FAM110B: variants seen among roughly 807,000 people sequenced by gnomAD.
FAM110B encodes family with sequence similarity 110 member B.
In FAM110B, 6 loss-of-function variants were observed where a neutral mutation model predicts 20.4. The observed-to-expected ratio is 0.29, with a 90% CI of 0.16 to 0.58. The LOEUF (loss-of-function observed/expected upper bound fraction) is 0.58, where lower values mean the gene tolerates loss of function less well. Among genes scored for constraint, FAM110B ranks in the 20% least tolerant of loss-of-function variants. The pLI is 0.90. For missense variants in FAM110B, 434 were observed against 498.2 expected (o/e 0.87, Z 1.23); for synonymous variants, 226 against 214.1 (o/e 1.06, Z -0.49).
chr8:58,011,187 C>T (rs1173409126), intron 1 of FAM110B, among the ~76,000 whole-genome samples: 1 of 152,114 alleles, frequency 6.6e-6, no homozygotes, highest in Non-Finnish European at 1.5e-5. Context: ...CTAAGAAAGA[C>T]CCTAAGGTTA....
intron 1 of FAM110B, among the ~76,000 whole-genome samples, chr8:58,024,225 G>A (rs184949669): frequency 9.9e-5 from 14 of 141,750 alleles, no homozygotes; most frequent in African/African-American, 3.3e-4. Flanking sequence ...GTTTCAACTC[G>A]GTCCAAATAA....
chr8:58,002,455 C>T (rs551866137), intron 1 of FAM110B, among the ~76,000 whole-genome samples: 74 of 152,304 alleles, frequency 4.9e-4, no homozygotes, highest in African/African-American at 1.1e-3. Flanking sequence ...CTTTTTCCTT[C>T]CTGACCAACA....
chr8:58,111,736 T>C (rs1807063046), intron 3 of FAM110B, among the ~76,000 whole-genome samples: 1 of 152,216 alleles, frequency 6.6e-6, no homozygotes, highest in South Asian at 2.1e-4. Context: ...AAGCTGCTAT[T>C]TTCTAGGTCC....
At chr8:58,116,758 A>G (rs1216330389) in intron 3 of FAM110B, among the ~76,000 whole-genome samples, 1 of 152,226 alleles carries the variant, frequency 6.6e-6, no homozygotes, top group Non-Finnish European at 1.5e-5. Flanking sequence ...TAAATGAATG[A>G]ACATTCAGTT....
At chr8:58,143,252 C>T (rs1049381418) in intron 3 of FAM110B, among the ~76,000 whole-genome samples, 8 of 152,252 alleles carry the variant, frequency 5.3e-5, no homozygotes, top group African/African-American at 1.9e-4. Flanking sequence ...TATCCCACAA[C>T]ACCCCAAACA....
chr8:58,036,187 A>G (rs927041751), intron 2 of FAM110B, among the ~76,000 whole-genome samples: 17 of 152,212 alleles, frequency 1.1e-4, no homozygotes, highest in Admixed American at 6.5e-4. Flanking sequence ...GAGTGGTTTT[A>G]TCAGTGTCCT....
At chr8:58,110,461 G>A (rs970177070) in intron 3 of FAM110B, among the ~76,000 whole-genome samples, 2 of 152,006 alleles carry the variant, frequency 1.3e-5, no homozygotes, top group African/African-American at 4.8e-5. Flanking sequence ...GTCTCAGAAG[G>A]TATGTATTAG....
chr8:58,103,650 A>G (rs1324707611), intron 3 of FAM110B, among the ~76,000 whole-genome samples: 1 of 152,134 alleles, frequency 6.6e-6, no homozygotes, highest in Non-Finnish European at 1.5e-5. Flanking sequence ...ATAGTTTTAC[A>G]TTTCCGGCAC....
chr8:58,068,982 C>T (rs910812155), intron 2 of FAM110B, among the ~76,000 whole-genome samples: 1 of 151,890 alleles, frequency 6.6e-6, no homozygotes, highest in Non-Finnish European at 1.5e-5. Flanking sequence ...CCTTAATTTC[C>T]TGAAAATTTA....
At chr8:58,033,957 C>T (rs1237343305) in intron 2 of FAM110B, among the ~76,000 whole-genome samples, 1 of 152,064 alleles carries the variant, frequency 6.6e-6, no homozygotes, top group African/African-American at 2.4e-5. Context: ...TTGTTAACCT[C>T]CCCACGCGCC....
intron 2 of FAM110B, among the ~76,000 whole-genome samples, chr8:58,042,485 T>C (rs902890474): frequency 3.3e-5 from 5 of 152,256 alleles, no homozygotes; most frequent in Non-Finnish European, 7.3e-5. Flanking sequence ...TGGATTTTTC[T>C]GTGATACAAA....
intron 2 of FAM110B, among the ~76,000 whole-genome samples, chr8:58,071,172 T>C (rs548361944): frequency 1.3e-5 from 2 of 152,248 alleles, no homozygotes; most frequent in Admixed American, 6.5e-5. Context: ...TTAAAAAAAA[T>C]GGTACATTCT....
chr8:58,046,261 AAACC>A (rs1396581870), intron 2 of FAM110B, among the ~76,000 whole-genome samples: 1 of 152,222 alleles, frequency 6.6e-6, no homozygotes, highest in African/African-American at 2.4e-5. Context: ...TAAATTGTCA[AAACC>A]AACCATTACT....
chr8:58,144,795 A>C (rs2150645381), intron 3 of FAM110B, among the ~76,000 whole-genome samples: 1 of 152,338 alleles, frequency 6.6e-6, no homozygotes, highest in Middle Eastern at 3.4e-3. Flanking sequence ...GCCTGCAGTA[A>C]CAGGCTATGG....
At position 58,147,386 on chromosome 8, in the gene FAM110B, G is replaced by C; in HGVS notation, c.*43G>C. ...AGGGAGCGTGGGTCTCTGTGCTTAC[G>C]CAGTTGTGAAGGTTGTGAGGTCTCC... On this transcript the variant is annotated 3_prime_UTR_variant, in exon 4 of 4. Transcript: ENST00000519262. 4 of 1,580,224 alleles carry C rather than the reference G, an allele frequency of 2.5e-6. No individual in the cohort carries two copies. The highest frequency in any genetic ancestry group is 1.3e-5 in the African/African-American group (1 of 74,468).
At chr8:58,050,820 G>C (rs1480006525) in intron 2 of FAM110B, among the ~76,000 whole-genome samples, 1 of 152,176 alleles carries the variant, frequency 6.6e-6, no homozygotes, top group Non-Finnish European at 1.5e-5. Flanking sequence ...CTAGCCCAGG[G>C]ATTACGCACA....
At chr8:58,140,939 A>G (rs766843752) in intron 3 of FAM110B, among the ~76,000 whole-genome samples, 3 of 152,016 alleles carry the variant, frequency 2.0e-5, no homozygotes, top group African/African-American at 4.8e-5. Context: ...TAAGTTCAGG[A>G]TTTTTCTACG....
At chr8:58,135,418 A>G (rs567996062) in intron 3 of FAM110B, among the ~76,000 whole-genome samples, 2 of 152,342 alleles carry the variant, frequency 1.3e-5, no homozygotes, top group East Asian at 3.9e-4. Context: ...GTAGCAATTT[A>G]TCTAATACAC....
At chr8:58,053,798 A>C (rs1178859868) in intron 2 of FAM110B, among the ~76,000 whole-genome samples, 1 of 152,206 alleles carries the variant, frequency 6.6e-6, no homozygotes, top group East Asian at 1.9e-4. Flanking sequence ...ACTTCAGCTC[A>C]CTTAAAAAAT....
Sources: allele counts gnomAD v4.1 joint callset (sites outside exome capture counted in the v4.1 genomes callset), GRCh38; gene constraint gnomAD v4.1.1; transcripts MANE v1.5; gene names NCBI Gene and HGNC (gene_info 2026-07-23, HGNC 2026-07-21).